The following LPP variants were observed in gnomAD, a reference collection of about 807,000 sequenced individuals.
LPP encodes LIM domain containing preferred translocation partner in lipoma.
A neutral mutation model predicts 60.4 loss-of-function variants in LPP; 38 were observed. The observed-to-expected ratio is 0.63, with a 90% CI of 0.49 to 0.83. The LOEUF (loss-of-function observed/expected upper bound fraction) is 0.83. LPP is among the 40% of genes least tolerant of loss of function. The pLI is 0.00. For synonymous variants in LPP, 328 were observed against 290.8 expected (o/e 1.13, Z -1.30); for missense variants, 902 against 783.6 (o/e 1.15, Z -1.80).
rs201291634 is a variant in LPP at position 188,641,770 on chromosome 3, C to T, written c.1113+31926C>T. ...TAAAGTTGGCAGCAAAGGAAGGTTT[C>T]GGATGGACCAAGTATAGACACAACA... On this transcript the variant is annotated intron_variant, in intron 7 of 11. Coordinates refer to ENST00000617246, the MANE Select transcript of LPP (RefSeq NM_001375462.1). 1.1e-4 allele frequency among the ~76,000 whole-genome samples: 16 copies of T among 152,250 alleles called. No individual in the cohort carries two copies. The East Asian group carries it at 1.4e-3, about 13-fold the overall frequency.
intron 9 of LPP, among the ~76,000 whole-genome samples, chr3:188,825,265 CTCTCTG>C (rs1457872612): frequency 6.1e-4 from 61 of 100,716 alleles, no homozygotes; most frequent in African/African-American, 2.1e-3. Context: ...CTCTCTCTCT[CTCTCTG>C]TGTGTGTGTG....
intron 9 of LPP, among the ~76,000 whole-genome samples, chr3:188,802,687 G>A (rs1279726761): frequency 6.6e-6 from 1 of 152,078 alleles, no homozygotes; most frequent in Non-Finnish European, 1.5e-5. Context: ...GGGGGGCTGA[G>A]GCAGGAGAAT....
At chr3:188,322,003 TA>T (rs1321606107) in intron 2 of LPP, among the ~76,000 whole-genome samples, 3 of 152,220 alleles carry the variant, frequency 2.0e-5, no homozygotes, top group Non-Finnish European at 4.4e-5. Context: ...CAGCTTATGA[TA>T]AGGAATCTTT....
At chr3:188,233,709 A>T (rs1041073916) in intron 2 of LPP, among the ~76,000 whole-genome samples, 8 of 152,132 alleles carry the variant, frequency 5.3e-5, no homozygotes, top group Non-Finnish European at 1.2e-4. Flanking sequence ...ATGGAGATAT[A>T]TTCTTTACTT....
chr3:188,591,464 A>G (rs1838687498), intron 6 of LPP, among the ~76,000 whole-genome samples: 2 of 152,202 alleles, frequency 1.3e-5, no homozygotes, highest in African/African-American at 4.8e-5. Context: ...TCATATTAGG[A>G]AATATTATTG....
At chr3:188,445,792 A>G (rs964856836) in intron 4 of LPP, among the ~76,000 whole-genome samples, 5 of 152,320 alleles carry the variant, frequency 3.3e-5, no homozygotes, top group African/African-American at 1.2e-4. Context: ...ATAAATATAT[A>G]ATAGCTCAAG....
At chr3:188,822,934 A>G (rs1754392767) in intron 9 of LPP, among the ~76,000 whole-genome samples, 1 of 152,114 alleles carries the variant, frequency 6.6e-6, no homozygotes, top group Non-Finnish European at 1.5e-5. Flanking sequence ...CTTTTTTAAT[A>G]CAGAAAACTG....
chr3:188,780,908 A>C (rs1484545299), intron 9 of LPP, among the ~76,000 whole-genome samples: 1 of 152,236 alleles, frequency 6.6e-6, no homozygotes, highest in African/African-American at 2.4e-5. Flanking sequence ...AGACACTTTC[A>C]GCTATTAGGC....
chr3:188,225,597 A>T (rs566405173), intron 2 of LPP, 70 bp downstream of exon 2: 2 of 152,366 alleles, frequency 1.3e-5, no homozygotes, highest in South Asian at 4.1e-4. Flanking sequence ...TGAGTTTTAA[A>T]CATCAGTGTT....
rs1234083202 is a variant in LPP at position 188,577,753 on chromosome 3, G to GTTCCTTCC, written c.430-31401_430-31400insCTTCCTTC. 9.8e-4 allele frequency among the ~76,000 whole-genome samples: 96 copies of GTTCCTTCC among 98,028 alleles called. 1 individual carries two copies. Among genetic ancestry groups the GTTCCTTCC allele is most frequent in the Non-Finnish European group, 1.7e-3 (76 of 45,228 alleles). 64.3% of individuals were successfully genotyped at this position (98,028 alleles called of 152,430 possible). On this transcript the variant is annotated intron_variant, in intron 6 of 11. Coordinates refer to ENST00000617246, the MANE Select transcript of LPP (RefSeq NM_001375462.1). The stretch of plus-strand genomic sequence containing the variant: ...GTTTCCTTCCTTCCTTTGTTCCTTC[G>GTTCCTTCC]TTCCTTCGTTCCTTCCTTCCTTCCT...
At chr3:188,436,401 T>G (rs1260299946) in intron 4 of LPP, among the ~76,000 whole-genome samples, 1 of 152,218 alleles carries the variant, frequency 6.6e-6, no homozygotes, top group African/African-American at 2.4e-5. Flanking sequence ...ATCAGATCTT[T>G]GATTCCCAGA....
At chr3:188,818,565 A>C (rs1326518498) in intron 9 of LPP, among the ~76,000 whole-genome samples, 1 of 152,176 alleles carries the variant, frequency 6.6e-6, no homozygotes, top group Non-Finnish European at 1.5e-5. Context: ...TAGTTTGAGA[A>C]TCACTCTCCT....
chr3:188,457,165 TA>T (rs1243828759), intron 4 of LPP, among the ~76,000 whole-genome samples: 3 of 152,178 alleles, frequency 2.0e-5, no homozygotes, highest in Non-Finnish European at 4.4e-5. Flanking sequence ...CAGAGTTTCT[TA>T]GAATGCACTG....
intron 7 of LPP, among the ~76,000 whole-genome samples, chr3:188,665,757 G>A (rs146399012): frequency 1.3e-5 from 2 of 152,150 alleles, no homozygotes; most frequent in East Asian, 1.9e-4. Flanking sequence ...CACCTCGCCC[G>A]GCCAGCTAAC....
chr3:188,185,117 T>G (rs1024960745), intron 1 of LPP, among the ~76,000 whole-genome samples: 6 of 152,098 alleles, frequency 3.9e-5, no homozygotes, highest in African/African-American at 1.4e-4. Flanking sequence ...TTTATACTTC[T>G]TTTGATGGTA....
chr3:188,538,179 G>A (rs1258243505), intron 6 of LPP, among the ~76,000 whole-genome samples: 1 of 152,076 alleles, frequency 6.6e-6, no homozygotes, highest in Non-Finnish European at 1.5e-5. Flanking sequence ...TGACATCAAA[G>A]CACAAACAAC....
chr3:188,518,741 G>A lies in LPP; in HGVS notation c.307-5924G>A, dbSNP rs183964295. ...TGGTCATGTATGTTTTGAGTATGACGCTGGGCATTGGATCTAATTCTAGTA... is the reference window on the plus strand; with the variant it reads ...TGGTCATGTATGTTTTGAGTATGACACTGGGCATTGGATCTAATTCTAGTA... On this transcript the variant is annotated intron_variant, in intron 5 of 11. Transcript: ENST00000617246. Among the ~76,000 whole-genome samples, 40 of 152,270 alleles carry A rather than the reference G, an allele frequency of 2.6e-4. 1 individual carries two copies. The South Asian group carries it at 7.9e-3, about 30-fold the overall frequency.
chr3:188,874,637 G>T lies in LPP; in HGVS notation c.*158G>T, dbSNP rs115353115. The stretch of plus-strand genomic sequence containing the variant: ...ATAAATTATGAGATTTTTTTTAAAA[G>T]TTGTTACCAAATACACATTTCACAT... On this transcript the variant is annotated 3_prime_UTR_variant, in exon 12 of 12. Transcript: ENST00000617246. 391 of 821,402 alleles carry T rather than the reference G, an allele frequency of 4.8e-4. No individual in the cohort carries two copies. In the African/African-American group the frequency reaches 6.3e-3, roughly 13 times the overall value. 50.9% of individuals were successfully genotyped at this position (821,402 alleles called of 1,614,324 possible). A position where few individuals can be genotyped will look rare whatever the true frequency, so the allele number is the denominator to read the frequency against.
intron 2 of LPP, among the ~76,000 whole-genome samples, chr3:188,244,739 T>G (rs1726266605): frequency 6.6e-6 from 1 of 152,148 alleles, no homozygotes; most frequent in Non-Finnish European, 1.5e-5. Flanking sequence ...TAACCTAGGC[T>G]TTTAAAACAC....
Sources: gnomAD v4.1 joint callset for allele counts (sites outside exome capture counted in the v4.1 genomes callset) on GRCh38, gnomAD v4.1.1 for gene constraint, MANE v1.5 for transcripts, NCBI Gene and HGNC (gene_info 2026-07-23, HGNC 2026-07-21) for gene names.